Variants in DPYD observed in about 807,000 individuals in gnomAD.
DPYD encodes the protein dihydropyrimidine dehydrogenase.
In DPYD, 109 loss-of-function variants were observed where a neutral mutation model predicts 116.2. The observed-to-expected ratio is 0.94, with a 90% CI of 0.80 to 1.10. DPYD has a LOEUF of 1.10. Among genes scored for constraint, DPYD ranks in the 50% least tolerant of loss-of-function variants. The pLI, the probability that DPYD is intolerant of heterozygous loss-of-function variation, is 0.00. For missense variants in DPYD, 1,302 were observed against 1,254.5 expected, an observed-to-expected ratio of 1.04 and a Z score of -0.57; for synonymous variants, 440 against 432.0, an observed-to-expected ratio of 1.02 and a Z score of -0.23.
intron 8 of DPYD, among the ~76,000 whole-genome samples, chr1:97,630,218 T>C (rs956343043): frequency 1.3e-5 from 2 of 151,932 alleles, no homozygotes; most frequent in African/African-American, 4.8e-5. Flanking sequence ...ATAATACAAA[T>C]GTATTATTCT....
intron 8 of DPYD, among the ~76,000 whole-genome samples, chr1:97,656,767 T>C (rs997164814): frequency 1.3e-5 from 2 of 152,108 alleles, no homozygotes; most frequent in Non-Finnish European, 1.5e-5. Flanking sequence ...TAAAGAAGAA[T>C]TTCCATCGAT....
chr1:97,432,190 GAT>G (rs1675216893), intron 14 of DPYD, among the ~76,000 whole-genome samples: 1 of 152,030 alleles, frequency 6.6e-6, no homozygotes. Context: ...ATATCTCTTT[GAT>G]ATAGTGATTT....
At chr1:97,461,545 AG>A (rs1677034611) in intron 13 of DPYD, among the ~76,000 whole-genome samples, 1 of 152,202 alleles carries the variant, frequency 6.6e-6, no homozygotes, top group Admixed American at 6.5e-5. Flanking sequence ...GAGGATAAAA[AG>A]TTTGTTTCTG....
intron 3 of DPYD, among the ~76,000 whole-genome samples, chr1:97,764,424 A>G (rs963649758): frequency 2.0e-5 from 3 of 152,076 alleles, no homozygotes; most frequent in African/African-American, 7.2e-5. Context: ...TTAGATTTTA[A>G]CTATCTATTC....
At chr1:97,848,846 A>G (rs1670437999) in intron 2 of DPYD, among the ~76,000 whole-genome samples, 2 of 152,234 alleles carry the variant, frequency 1.3e-5, no homozygotes, top group South Asian at 4.1e-4. Flanking sequence ...TATTATAAGG[A>G]GATTAGGAGT....
At chr1:97,134,747 G>A (rs886862806) in intron 20 of DPYD, among the ~76,000 whole-genome samples, 7 of 152,094 alleles carry the variant, frequency 4.6e-5, no homozygotes, top group African/African-American at 1.4e-4. Context: ...ACTTTTAAAG[G>A]TTCAGCGCAG....
At chr1:97,402,758 T>C (rs998334695) in intron 14 of DPYD, among the ~76,000 whole-genome samples, 6 of 152,090 alleles carry the variant, frequency 3.9e-5, no homozygotes, top group Non-Finnish European at 7.4e-5. Context: ...TTTATAGATA[T>C]TCTTTATCAA....
intron 19 of DPYD, among the ~76,000 whole-genome samples, chr1:97,215,014 T>A (rs927598621): frequency 6.6e-6 from 1 of 152,196 alleles, no homozygotes; most frequent in Non-Finnish European, 1.5e-5. Context: ...ATTTTAAAAT[T>A]TGGCATAAAT....
At chr1:97,594,449 T>C (rs1281998740) in intron 9 of DPYD, among the ~76,000 whole-genome samples, 2 of 152,220 alleles carry the variant, frequency 1.3e-5, no homozygotes, top group African/African-American at 4.8e-5. Context: ...GTATCATTTC[T>C]ACATGTAATT....
intron 16 of DPYD, among the ~76,000 whole-genome samples, chr1:97,354,050 AG>A (rs1558050010): frequency 6.6e-6 from 1 of 152,190 alleles, no homozygotes; most frequent in African/African-American, 2.4e-5. Flanking sequence ...GAACAATAAT[AG>A]TAAATATATC....
chr1:97,727,137 C>T (rs1571257683), intron 4 of DPYD, among the ~76,000 whole-genome samples: 3 of 151,704 alleles, frequency 2.0e-5, no homozygotes, highest in South Asian at 4.1e-4. Context: ...TATCAAGATG[C>T]TTTAGCATCA....
At chr1:97,100,645 A>G (rs1375713951) in intron 20 of DPYD, among the ~76,000 whole-genome samples, 3 of 152,060 alleles carry the variant, frequency 2.0e-5, no homozygotes, top group Non-Finnish European at 4.4e-5. Flanking sequence ...AAAAGAAATC[A>G]TTCTTGCAAC....
intron 16 of DPYD, among the ~76,000 whole-genome samples, chr1:97,314,887 A>G (rs1293256018): frequency 1.3e-5 from 2 of 151,918 alleles, no homozygotes; most frequent in Non-Finnish European, 2.9e-5. Flanking sequence ...TATTCTAGAC[A>G]CTGAGCCTCT....
chr1:97,382,066 T>C (rs1046821107), intron 15 of DPYD, among the ~76,000 whole-genome samples: 11 of 152,168 alleles, frequency 7.2e-5, no homozygotes, highest in Non-Finnish European at 1.0e-4. Flanking sequence ...CTCTCAAAGG[T>C]AGAATTAAAT....
intron 7 of DPYD, among the ~76,000 whole-genome samples, chr1:97,688,713 T>C (rs1019209634): frequency 1.3e-5 from 2 of 152,086 alleles, no homozygotes; most frequent in Non-Finnish European, 2.9e-5. Flanking sequence ...AAACTTGTAA[T>C]GGTAACAACA....
At chr1:97,701,847 T>C (rs1661615049) in intron 5 of DPYD, among the ~76,000 whole-genome samples, 2 of 151,866 alleles carry the variant, frequency 1.3e-5, no homozygotes, top group Admixed American at 1.3e-4. Flanking sequence ...CTGTTTCCTC[T>C]CTTAGACCAT....
chr1:97,346,661 A>T (rs1007855578), intron 16 of DPYD, among the ~76,000 whole-genome samples: 1 of 151,864 alleles, frequency 6.6e-6, no homozygotes, highest in South Asian at 2.1e-4. Flanking sequence ...ATTTTTATGT[A>T]TAGATAATGA....
chr1:97,165,016 C>G (rs1656216607), intron 20 of DPYD, among the ~76,000 whole-genome samples: 1 of 151,946 alleles, frequency 6.6e-6, no homozygotes, highest in South Asian at 2.1e-4. Flanking sequence ...CCACAATGTA[C>G]AGATTCAATG....
chr1:97,364,665 A>G (rs538902431), intron 16 of DPYD, among the ~76,000 whole-genome samples: 1 of 152,304 alleles, frequency 6.6e-6, no homozygotes, highest in East Asian at 1.9e-4. Flanking sequence ...AACAATGTCA[A>G]GAGAGACTTC....
Sources: gnomAD v4.1 joint callset for allele counts (sites outside exome capture counted in the v4.1 genomes callset) on GRCh38, gnomAD v4.1.1 for gene constraint, MANE v1.5 for transcripts, NCBI Gene and HGNC (gene_info 2026-07-23, HGNC 2026-07-21) for gene names.